The following ADGRB3 variants were observed in gnomAD, a reference collection of about 807,000 sequenced individuals.
The protein encoded by ADGRB3 is adhesion G protein-coupled receptor B3.
A neutral mutation model predicts 193.4 loss-of-function variants in ADGRB3; 37 were observed. The observed-to-expected ratio is 0.19, with a 90% CI of 0.15 to 0.25. The LOEUF (loss-of-function observed/expected upper bound fraction) is 0.25, where lower values mean the gene tolerates loss of function less well. ADGRB3 is among the 10% of genes least tolerant of loss of function. ADGRB3 has a pLI of 1.00. For synonymous variants in ADGRB3, 690 were observed against 644.2 expected (o/e 1.07, Z -1.08); for missense variants, 1,637 against 1,852.9 (o/e 0.88, Z 2.14).
At chr6:69,105,676 C>T (rs980456996) in intron 17 of ADGRB3, among the ~76,000 whole-genome samples, 3 of 152,108 alleles carry the variant, frequency 2.0e-5, no homozygotes, top group Non-Finnish European at 4.4e-5. Flanking sequence ...TCCCAAAAAT[C>T]ATATAATGCA....
At chr6:69,351,117 T>C (rs1769214691) in intron 26 of ADGRB3, among the ~76,000 whole-genome samples, 1 of 145,674 alleles carries the variant, frequency 6.9e-6, no homozygotes, top group South Asian at 2.1e-4. Context: ...TTTTGAGACA[T>C]AGTCTTGCTC....
In ADGRB3 at chr6:69,361,078, T is replaced by C; in HGVS notation, c.3805T>C (p.Cys1269Arg). 1.9e-6 allele frequency: 3 copies of C among 1,612,782 alleles called. No homozygotes were observed. The highest frequency in any genetic ancestry group is 2.5e-6 in the Non-Finnish European group (3 of 1,179,210). The change falls in exon 29 of 32, where the codon TGT becomes CGT. Residue 1269 changes from cysteine to arginine, a missense_variant. Cys to Arg is a radical substitution (Grantham distance 180). Coordinates refer to ENST00000370598, the MANE Select transcript of ADGRB3 (RefSeq NM_001704.3). ...PMSMNELSNP[C>R]LKKENSELRR... ...GAGTATGAATGAGCTTAGCAATCCA[T>C]GTTTGAAAAAAGAAAATAGTGAATT...
intron 11 of ADGRB3, among the ~76,000 whole-genome samples, chr6:68,997,577 C>T (rs777637191): frequency 2.0e-5 from 3 of 151,186 alleles, no homozygotes; most frequent in African/African-American, 7.3e-5. Flanking sequence ...CTCTTGAACC[C>T]GGGAATCGGA....
At chr6:69,150,664 T>C (rs911275729) in intron 17 of ADGRB3, among the ~76,000 whole-genome samples, 7 of 152,298 alleles carry the variant, frequency 4.6e-5, no homozygotes, top group South Asian at 2.1e-4. Context: ...ACCTCTTCTT[T>C]CCTTAAACAA....
intron 3 of ADGRB3, among the ~76,000 whole-genome samples, chr6:68,678,824 C>G (rs1416714847): frequency 6.6e-6 from 1 of 151,918 alleles, no homozygotes; most frequent in Non-Finnish European, 1.5e-5. Flanking sequence ...CAGTGAAACT[C>G]TTGAATTTAA....
chr6:68,691,511 C>A (rs1765072153), intron 3 of ADGRB3, among the ~76,000 whole-genome samples: 1 of 151,972 alleles, frequency 6.6e-6, no homozygotes. Flanking sequence ...GTTGAATCCT[C>A]TGATTGAAAA....
chr6:68,668,548 T>A (rs1768856756), intron 3 of ADGRB3, among the ~76,000 whole-genome samples: 1 of 151,940 alleles, frequency 6.6e-6, no homozygotes, highest in African/African-American at 2.4e-5. Context: ...TATTCATAGT[T>A]TTTTAGATAT....
intron 3 of ADGRB3, among the ~76,000 whole-genome samples, chr6:68,925,098 C>T (rs1767144029): frequency 6.6e-6 from 1 of 151,782 alleles, no homozygotes; most frequent in South Asian, 2.1e-4. Context: ...ATTATATAAA[C>T]TCCAGTCTTT....
chr6:69,130,897 G>A (rs1463714231), intron 17 of ADGRB3, among the ~76,000 whole-genome samples: 3 of 151,934 alleles, frequency 2.0e-5, no homozygotes, highest in Non-Finnish European at 4.4e-5. Context: ...CCTACCAGAG[G>A]CCTCTCTGAA....
chr6:69,085,417 A>G (rs998076039), intron 17 of ADGRB3, among the ~76,000 whole-genome samples: 1 of 152,082 alleles, frequency 6.6e-6, no homozygotes, highest in South Asian at 2.1e-4. Flanking sequence ...TAAGAGCAAC[A>G]CAGAGCTGGC....
At chr6:69,304,392 A>G (rs568817772) in intron 20 of ADGRB3, among the ~76,000 whole-genome samples, 1 of 151,776 alleles carries the variant, frequency 6.6e-6, no homozygotes. Flanking sequence ...GCAGAGAAAC[A>G]TAAATTTAAA....
chr6:68,876,563 A>T (rs1765600502), intron 3 of ADGRB3, among the ~76,000 whole-genome samples: 1 of 152,220 alleles, frequency 6.6e-6, no homozygotes, highest in Admixed American at 6.5e-5. Context: ...CTTTTCTTAT[A>T]GGAAATCAGC....
chr6:69,369,993 A>G (rs1769672462), intron 29 of ADGRB3, among the ~76,000 whole-genome samples: 1 of 152,096 alleles, frequency 6.6e-6, no homozygotes, highest in South Asian at 2.1e-4. Flanking sequence ...GGTAACAATT[A>G]GCAAAACATC....
intron 3 of ADGRB3, among the ~76,000 whole-genome samples, chr6:68,877,589 C>T (rs1220101540): frequency 6.6e-6 from 1 of 152,082 alleles, no homozygotes; most frequent in Non-Finnish European, 1.5e-5. Flanking sequence ...CCTTTGTTCT[C>T]AGCACATCTC....
At chr6:68,975,209 T>C in intron 9 of ADGRB3, 25 bp from the exon 10 acceptor site, 1 of 1,587,344 alleles carries the variant, frequency 6.3e-7, no homozygotes, top group Non-Finnish European at 8.6e-7. Flanking sequence ...TTATAAAGCT[T>C]CTCTCTGTTC....
chr6:69,015,839 A>G (rs964914428), intron 12 of ADGRB3, among the ~76,000 whole-genome samples: 2 of 151,904 alleles, frequency 1.3e-5, no homozygotes, highest in Non-Finnish European at 2.9e-5. Flanking sequence ...GTAGTCTACT[A>G]AAGTTAAAAA....
At chr6:69,368,786 G>A (rs1030377886) in intron 29 of ADGRB3, among the ~76,000 whole-genome samples, 1 of 152,022 alleles carries the variant, frequency 6.6e-6, no homozygotes, top group Non-Finnish European at 1.5e-5. Context: ...CAATAAGATG[G>A]ACAGAAAATT....
In ADGRB3 at chr6:69,238,513, TGGA is replaced by T. The variant is rs1438853876; in HGVS notation, c.2712-610_2712-608del. ...TAATAGTGAATTATCATTTGTGGAT[TGGA>T]TTTATTTTTAGAAATAAAGATTCAT... On this transcript the variant is annotated intron_variant, in intron 19 of 31. Transcript: ENST00000370598. Among the ~76,000 whole-genome samples, 355 of 152,208 alleles carry T rather than the reference TGGA, an allele frequency of 2.3e-3. 6 individuals are homozygous for T. Among genetic ancestry groups the T allele is most frequent in the African/African-American group, 6.2e-3 (258 of 41,558 alleles).
At chr6:69,323,465 TGA>T (rs1361156146) in intron 20 of ADGRB3, among the ~76,000 whole-genome samples, 1 of 152,068 alleles carries the variant, frequency 6.6e-6, no homozygotes, top group African/African-American at 2.4e-5. Context: ...GCATTATACC[TGA>T]GACTAGAGTA....
Sources: gnomAD v4.1 joint callset for allele counts (sites outside exome capture counted in the v4.1 genomes callset) on GRCh38, gnomAD v4.1.1 for gene constraint, MANE v1.5 for transcripts, NCBI Gene and HGNC (gene_info 2026-07-23, HGNC 2026-07-21) for gene names.